The following RUNX1 variants were observed in gnomAD, a reference collection of about 807,000 sequenced individuals.
RUNX1 encodes RUNX family transcription factor 1.
A neutral mutation model predicts 42.8 loss-of-function variants in RUNX1; 19 were observed. The observed-to-expected ratio is 0.44, with a 90% confidence interval of 0.31 to 0.65. RUNX1 has a LOEUF of 0.65. Among genes scored for constraint, RUNX1 ranks in the 30% least tolerant of loss-of-function variants. The pLI, the probability that RUNX1 is intolerant of heterozygous loss-of-function variation, is 0.07. For synonymous variants in RUNX1, 271 were observed against 289.4 expected (o/e 0.94, Z 0.64); for missense variants, 528 against 672.0 (o/e 0.79, Z 2.37).
At chr21:34,999,724 A>G (rs541179970) in intron 2 of RUNX1, among the ~76,000 whole-genome samples, 1 of 152,356 alleles carries the variant, frequency 6.6e-6, no homozygotes, top group East Asian at 1.9e-4. Flanking sequence ...CGGAAAGCAC[A>G]TGGAAAATGA....
intron 7 of RUNX1, chr21:34,821,466 T>C (rs2056907061): frequency 1.4e-6 from 2 of 1,395,542 alleles, no homozygotes; most frequent in Admixed American, 4.9e-5. Flanking sequence ...AATTGTCCCA[T>C]GTGTTAGGAA....
intron 5 of RUNX1, among the ~76,000 whole-genome samples, chr21:34,875,093 T>C (rs1033517282): frequency 2.0e-5 from 3 of 152,236 alleles, no homozygotes; most frequent in Admixed American, 1.3e-4. Context: ...CAGCAATGCC[T>C]GACACTTCAC....
Position 34,791,348 on chromosome 21 carries a change from T to C in RUNX1, c.*787A>G, listed in dbSNP as rs1384520943. 13 of 231,840 alleles carry C rather than the reference T, an allele frequency of 5.6e-5. No homozygotes were observed. The highest frequency in any genetic ancestry group is 1.0e-4 in the Non-Finnish European group (12 of 117,132). The allele number at this position is 231,840 out of a possible 1,614,324, so 14.4% of individuals were successfully genotyped here. On this transcript the variant is annotated 3_prime_UTR_variant, in exon 9 of 9. Transcript: ENST00000675419. ...AATTAAAAAATTATCAACACATAAA[T>C]GTCTGAACATCAAGATACATAAATA...
chr21:34,934,903 C>T (rs1469488963), intron 2 of RUNX1, among the ~76,000 whole-genome samples: 1 of 152,166 alleles, frequency 6.6e-6, no homozygotes, highest in Non-Finnish European at 1.5e-5. Flanking sequence ...TAGGAAACAG[C>T]AGGCATATTC....
chr21:34,827,106 G>A (rs1555888770), intron 7 of RUNX1, among the ~76,000 whole-genome samples: 1 of 152,196 alleles, frequency 6.6e-6, no homozygotes, highest in Non-Finnish European at 1.5e-5. Context: ...TGAGGCTGCA[G>A]ATAGAAATGA....
intron 2 of RUNX1, among the ~76,000 whole-genome samples, chr21:34,982,397 G>GGTGTGT (rs56091299): frequency 1.1e-3 from 159 of 147,914 alleles, no homozygotes; most frequent in Non-Finnish European, 9.8e-4. Context: ...AGTCAAAAGG[G>GGTGTGT]GTGTGTGTGT....
intron 6 of RUNX1, among the ~76,000 whole-genome samples, chr21:34,855,444 C>G (rs1377497003): frequency 6.6e-6 from 1 of 152,100 alleles, no homozygotes; most frequent in Non-Finnish European, 1.5e-5. Flanking sequence ...GTAGCTCATG[C>G]CTGCAATCCC....
chr21:35,014,276 C>T lies in RUNX1; in HGVS notation c.58+34566G>A, dbSNP rs374559382. Among the ~76,000 whole-genome samples the T allele has an allele frequency of 1.6e-4, 24 of 152,112 alleles. 1 individual carries two copies. The highest frequency in any genetic ancestry group is 9.2e-4 in the Admixed American group (14 of 15,278). On this transcript the variant is annotated intron_variant, in intron 2 of 8. Transcript: ENST00000675419. Reference sequence around the variant, plus strand: ...ATCTAAGGGTCCAGTTTTCATGTTGCGTGCCATACATAATCAGTCTAATAT... The same window carrying T: ...ATCTAAGGGTCCAGTTTTCATGTTGTGTGCCATACATAATCAGTCTAATAT...
intron 2 of RUNX1, among the ~76,000 whole-genome samples, chr21:34,917,299 CA>C (rs1489929277): frequency 6.6e-6 from 1 of 152,136 alleles, no homozygotes; most frequent in African/African-American, 2.4e-5. Context: ...CAGATGGAGA[CA>C]GGGTGAAAGA....
chr21:34,863,877 G>A (rs1398652177), intron 5 of RUNX1, among the ~76,000 whole-genome samples: 4 of 152,040 alleles, frequency 2.6e-5, no homozygotes, highest in Non-Finnish European at 4.4e-5. Context: ...CTAGTAGGTG[G>A]GGCGTTTTGG....
chr21:34,974,339 G>C (rs542486977), intron 2 of RUNX1, among the ~76,000 whole-genome samples: 1 of 151,792 alleles, frequency 6.6e-6, no homozygotes, highest in South Asian at 2.1e-4. Flanking sequence ...CTCTGCCAGG[G>C]AACTCTACGG....
intron 6 of RUNX1, among the ~76,000 whole-genome samples, chr21:34,850,987 C>T (rs897616930): frequency 1.3e-5 from 2 of 152,152 alleles, no homozygotes; most frequent in African/African-American, 2.4e-5. Flanking sequence ...CTGCATTCAG[C>T]CTTCCAGTGA....
chr21:34,815,895 AG>A lies in RUNX1; in HGVS notation c.806-16434del, dbSNP rs571642477. ...CCTCAGAGAGGGAATGGGAAAGGGC[AG>A]GGGGGCTCACTAGCTTAGTTAGCAG... On this transcript the variant is annotated intron_variant, in intron 7 of 8. Coordinates refer to ENST00000675419, the MANE Select transcript of RUNX1 (RefSeq NM_001754.5). 2.4e-4 allele frequency among the ~76,000 whole-genome samples: 36 copies of A among 152,258 alleles called. No individual in the cohort carries two copies. In the South Asian group the frequency reaches 5.6e-3, roughly 24 times the overall value.
At chr21:35,021,811 G>A (rs1194406003) in intron 2 of RUNX1, among the ~76,000 whole-genome samples, 3 of 152,186 alleles carry the variant, frequency 2.0e-5, no homozygotes, top group African/African-American at 4.8e-5. Flanking sequence ...AGAGGCAGAG[G>A]AGAATGCACC....
chr21:34,871,626 C>A (rs542046882), intron 5 of RUNX1, among the ~76,000 whole-genome samples: 95 of 152,260 alleles, frequency 6.2e-4, no homozygotes, highest in Non-Finnish European at 1.2e-3. Flanking sequence ...GCAAAACTGA[C>A]ATGCTGGGGC....
intron 2 of RUNX1, among the ~76,000 whole-genome samples, chr21:35,020,482 C>G (rs1334146156): frequency 6.6e-6 from 1 of 152,076 alleles, no homozygotes; most frequent in Non-Finnish European, 1.5e-5. Flanking sequence ...GAAGGCAAAG[C>G]AAGCAGAGGT....
At chr21:34,811,781 T>C (rs2056762239) in intron 7 of RUNX1, among the ~76,000 whole-genome samples, 1 of 152,196 alleles carries the variant, frequency 6.6e-6, no homozygotes, top group Admixed American at 6.5e-5. Context: ...TTACTGTCTG[T>C]TCTGATGGGA....
chr21:34,857,123 A>C (rs969940687), intron 6 of RUNX1, among the ~76,000 whole-genome samples: 1 of 152,124 alleles, frequency 6.6e-6, no homozygotes, highest in African/African-American at 2.4e-5. Context: ...GGGCTATTGC[A>C]CCTCTATATA....
At chr21:34,857,288 G>A (rs1295459108) in intron 6 of RUNX1, among the ~76,000 whole-genome samples, 1 of 152,170 alleles carries the variant, frequency 6.6e-6, no homozygotes, top group Non-Finnish European at 1.5e-5. Context: ...TTCTTAAGTT[G>A]TAAAACAGCA....
Sources: gnomAD v4.1 joint callset for allele counts (sites outside exome capture counted in the v4.1 genomes callset) on GRCh38, gnomAD v4.1.1 for gene constraint, MANE v1.5 for transcripts, NCBI Gene and HGNC (gene_info 2026-07-23, HGNC 2026-07-21) for gene names.